Variants in ULBP1 observed in about 807,000 individuals in gnomAD.
ULBP1 encodes the protein UL16 binding protein 1, also known as UL16-binding protein 1.
ULBP1 carries 28 observed loss-of-function variants against 25.3 expected under a neutral mutation model. The ratio of observed to expected loss-of-function variants is 1.10; its 90% CI spans 0.82 to 1.51. The LOEUF (loss-of-function observed/expected upper bound fraction) is 1.51. Among genes scored for constraint, ULBP1 ranks in the 40% most tolerant of loss-of-function variants. ULBP1 has a pLI of 0.00. For missense variants in ULBP1, 348 were observed against 290.9 expected, an observed-to-expected ratio of 1.20 and a Z score of -1.43; for synonymous variants, 129 against 103.0, an observed-to-expected ratio of 1.25 and a Z score of -1.53.
intron 2 of ULBP1, 70 bp downstream of exon 2, chr6:149,968,940 A>T: frequency 6.4e-7 from 1 of 1,560,294 alleles, no homozygotes; most frequent in Non-Finnish European, 8.6e-7. Context: ...TCATATGAAA[A>T]ATAAATCAGA....
intron 1 of ULBP1, among the ~76,000 whole-genome samples, chr6:149,964,661 G>A (rs957036391): frequency 6.9e-6 from 1 of 145,570 alleles, no homozygotes; most frequent in Non-Finnish European, 1.5e-5. Flanking sequence ...CCGGCTGAAG[G>A]CACTCAGTTC....
At position 149,966,820 on chromosome 6, in the gene ULBP1, G is replaced by A. The variant is rs369978187; in HGVS notation, c.86-1787G>A. On this transcript the variant is annotated intron_variant, in intron 1 of 4. Transcript: ENST00000229708. ...TTTTAAATGAGGGGATTTCACTGCTGTGAGTGGCACAGCCTTGCTTCTGAG... is the reference window on the plus strand; with the variant it reads ...TTTTAAATGAGGGGATTTCACTGCTATGAGTGGCACAGCCTTGCTTCTGAG... Among the ~76,000 whole-genome samples, 621 of 152,296 alleles carry A rather than the reference G, an allele frequency of 4.1e-3. 3 individuals carry two copies. Among genetic ancestry groups the A allele is most frequent in the African/African-American group, 0.013 (551 of 41,548 alleles).
In ULBP1 at chr6:149,966,945, A is replaced by G. The variant is rs9371584; in HGVS notation, c.86-1662A>G. Among the ~76,000 whole-genome samples, 18 of 152,300 alleles carry G rather than the reference A, an allele frequency of 1.2e-4. No individual in the cohort carries two copies. In the East Asian group the frequency reaches 3.5e-3, roughly 29 times the overall value. On this transcript the variant is annotated intron_variant, in intron 1 of 4. Coordinates refer to ENST00000229708, the MANE Select transcript of ULBP1 (RefSeq NM_025218.4). ...ATGCCTCTGGGATCTTAGGGAGTCC[A>G]GGGTCAAATAGCTGTATTGGTAGGT...
In ULBP1 at chr6:149,972,877, G is replaced by T. The variant is rs1428178767; in HGVS notation, c.*1531G>T. On this transcript the variant is annotated 3_prime_UTR_variant, in exon 5 of 5. Coordinates refer to ENST00000229708, the MANE Select transcript of ULBP1 (RefSeq NM_025218.4). ...AGCAAAAGAAACAGACACTGTTGGT[G>T]GGAAAGCAAACTTGTTCAGCCACTA... 2 of 152,182 alleles carry T rather than the reference G, an allele frequency of 1.3e-5. No homozygotes were observed. Among genetic ancestry groups the T allele is most frequent in the African/African-American group, 4.8e-5 (2 of 41,436 alleles). 9.4% of individuals were successfully genotyped at this position (152,182 alleles called of 1,614,324 possible). A position where few individuals can be genotyped will look rare whatever the true frequency, so the allele number is the denominator to read the frequency against.
chr6:149,967,813 A>G (rs998187048), intron 1 of ULBP1, among the ~76,000 whole-genome samples: 7 of 151,984 alleles, frequency 4.6e-5, no homozygotes, highest in African/African-American at 1.7e-4. Flanking sequence ...AGCATTTCCT[A>G]CCCCCAACCC....
intron 1 of ULBP1, among the ~76,000 whole-genome samples, chr6:149,964,819 C>A (rs147814047): frequency 7.1e-6 from 1 of 141,576 alleles, no homozygotes; most frequent in East Asian, 2.3e-4. Flanking sequence ...GTGATCCCCC[C>A]CGAACATCGC....
Position 149,972,810 on chromosome 6 carries a change from C to T in ULBP1, c.*1464C>T, listed in dbSNP as rs1256331263. ...AATCAAAACTGCAATGAGTTACCAT[C>T]TCTTACCAGTCACAAAGTCAGAGAT... On this transcript the variant is annotated 3_prime_UTR_variant, in exon 5 of 5. Coordinates refer to ENST00000229708, the MANE Select transcript of ULBP1 (RefSeq NM_025218.4). The T allele has an allele frequency of 6.6e-6, 1 of 152,206 alleles. No homozygotes were observed. The highest frequency in any genetic ancestry group is 6.5e-5 in the Admixed American group (1 of 15,284). 9.4% of individuals were successfully genotyped at this position (152,206 alleles called of 1,614,324 possible). A position where few individuals can be genotyped will look rare whatever the true frequency, so the allele number is the denominator to read the frequency against.
rs1779347207 is a variant in ULBP1 at position 149,973,091 on chromosome 6, A to T, written c.*1745A>T. The T allele has an allele frequency of 6.6e-6, 1 of 152,238 alleles. No individual in the cohort carries two copies. Among genetic ancestry groups the T allele is most frequent in the Non-Finnish European group, 1.5e-5 (1 of 68,046 alleles). 9.4% of individuals were successfully genotyped at this position (152,238 alleles called of 1,614,324 possible). A position where few individuals can be genotyped will look rare whatever the true frequency, so the allele number is the denominator to read the frequency against. On this transcript the variant is annotated 3_prime_UTR_variant, in exon 5 of 5. Transcript: ENST00000229708. Reference sequence around the variant, plus strand: ...AGAATCAATCTAAGTGCCCAACAACAGTAAATTCAATGAAAAAAAATGTGG... The same window carrying T: ...AGAATCAATCTAAGTGCCCAACAACTGTAAATTCAATGAAAAAAAATGTGG...
Position 149,973,046 on chromosome 6 carries a change from A to G in ULBP1, c.*1700A>G, listed in dbSNP as rs1488209001. ...GCACCAATATGTTCATTACAGTGCT[A>G]TTCTCACCAGCAAGGACAGAGAATC... On this transcript the variant is annotated 3_prime_UTR_variant, in exon 5 of 5. Coordinates refer to ENST00000229708, the MANE Select transcript of ULBP1 (RefSeq NM_025218.4). 1.3e-5 allele frequency: 2 copies of G among 152,240 alleles called. No individual in the cohort carries two copies. The highest frequency in any genetic ancestry group is 4.8e-5 in the African/African-American group (2 of 41,466). 9.4% of individuals were successfully genotyped at this position (152,240 alleles called of 1,614,324 possible).
chr6:149,966,777 G>A (rs1157316649), intron 1 of ULBP1, among the ~76,000 whole-genome samples: 236 of 146,264 alleles, frequency 1.6e-3, no homozygotes, highest in Admixed American at 4.0e-3. Context: ...AGGGGCCCAG[G>A]ACCACAGCAG....
chr6:149,965,972 G>C (rs899876809), intron 1 of ULBP1, among the ~76,000 whole-genome samples: 1 of 152,020 alleles, frequency 6.6e-6, no homozygotes, highest in Non-Finnish European at 1.5e-5. Context: ...CTTAATGCAG[G>C]GGGGACGGGA....
chr6:149,966,859 T>C (rs1779212804), intron 1 of ULBP1, among the ~76,000 whole-genome samples: 1 of 152,198 alleles, frequency 6.6e-6, no homozygotes, highest in East Asian at 1.9e-4. Context: ...TAGGGGATCC[T>C]GTTGTGATTC....
Position 149,968,848 on chromosome 6 carries a change from A to G in ULBP1, c.327A>G (p.Gln109=). The G allele has an allele frequency of 6.2e-7, 1 of 1,614,160 alleles. No individual in the cohort carries two copies. The highest frequency in any genetic ancestry group is 8.5e-7 in the Non-Finnish European group (1 of 1,180,016). Residue 109 remains glutamine (Q), a synonymous_variant, in exon 2 of 5, where the codon CAA becomes CAG. Coordinates refer to ENST00000229708, the MANE Select transcript of ULBP1 (RefSeq NM_025218.4). ...DFLKGQLLDI[Q]VENLIPIEPL... is the part of the protein sequence containing the mutation. ...TTAAAGGGCAACTGCTTGACATTCA[A>G]GTGGAGAATTTAATACCCATTGGTA...
rs905319236 is a variant in ULBP1 at position 149,965,304 on chromosome 6, G to A, written c.85+1170G>A. Among the ~76,000 whole-genome samples, 57 of 150,648 alleles carry A rather than the reference G, an allele frequency of 3.8e-4. 1 individual carries two copies. The highest frequency in any genetic ancestry group is 1.3e-3 in the African/African-American group (53 of 40,796). ...TCCCCCAGAACATCGCGGTCTCCCC[G>A]AACATCGCTGTCTCCCCGAACGTGC... On this transcript the variant is annotated intron_variant, in intron 1 of 4. Transcript: ENST00000229708.
chr6:149,966,538 A>T (rs540786490), intron 1 of ULBP1, among the ~76,000 whole-genome samples: 2 of 152,152 alleles, frequency 1.3e-5, no homozygotes, highest in Non-Finnish European at 2.9e-5. Context: ...GTGTGAGCTA[A>T]GGGTGAGGGG....
chr6:149,965,614 C>T (rs1027211254), intron 1 of ULBP1, among the ~76,000 whole-genome samples: 14 of 152,114 alleles, frequency 9.2e-5, no homozygotes, highest in Non-Finnish European at 2.9e-5. Flanking sequence ...TCACAGACTC[C>T]CCCATCAGCC....
intron 1 of ULBP1, 121 bp downstream of exon 1, chr6:149,964,255 T>C (rs1779155107): frequency 1.8e-6 from 2 of 1,114,210 alleles, no homozygotes; most frequent in Admixed American, 5.0e-5. Flanking sequence ...TGAACGAACA[T>C]CGCGGTCTCC....
intron 1 of ULBP1, among the ~76,000 whole-genome samples, chr6:149,965,246 C>T (rs1481576767): frequency 1.6e-5 from 2 of 123,940 alleles, no homozygotes; most frequent in Non-Finnish European, 3.3e-5. Context: ...ATCGCGGCCT[C>T]CCCGAACATC....
chr6:149,969,360 A>G lies in ULBP1; in HGVS notation c.625A>G (p.Lys209Glu). Reference sequence around the variant, plus strand: ...CTGGGAACAAATGCTGGATCCAACAAGTAAGTGAGAGGGGGATAAATGGAA... The same window carrying G: ...CTGGGAACAAATGCTGGATCCAACAGGTAAGTGAGAGGGGGATAAATGGAA... Reference protein sequence around the residue: ...MYWEQMLDPTKPPSLAPGTTQ... With the variant: ...MYWEQMLDPTEPPSLAPGTTQ... The change falls in exon 3 of 5, where the codon AAA (lysine) becomes GAA (glutamate). Residue 209 changes from lysine to glutamate, a missense_variant and splice_region_variant. By Grantham distance (56) the Lys-to-Glu change is moderately conservative. Transcript: ENST00000229708. 1 of 1,611,968 alleles carries G rather than the reference A, an allele frequency of 6.2e-7. No individual in the cohort carries two copies. The highest frequency in any genetic ancestry group is 8.5e-7 in the Non-Finnish European group (1 of 1,178,200).
Sources: allele counts gnomAD v4.1 joint callset (sites outside exome capture counted in the v4.1 genomes callset), GRCh38; gene constraint gnomAD v4.1.1; transcripts MANE v1.5; gene names NCBI Gene and HGNC (gene_info 2026-07-23, HGNC 2026-07-21).